Variants in PTPRM observed in about 807,000 individuals in gnomAD.
PTPRM encodes receptor-type tyrosine-protein phosphatase mu.
A neutral mutation model predicts 186.7 loss-of-function variants in PTPRM; 47 were observed. The ratio of observed to expected loss-of-function variants is 0.25; its 90% CI spans 0.20 to 0.32. The LOEUF is 0.32. PTPRM is among the 10% of genes least tolerant of loss of function. The pLI, the probability that PTPRM is intolerant of heterozygous loss-of-function variation, is 1.00. For missense variants in PTPRM, 1,494 were observed against 1,865.0 expected (o/e 0.80, Z 3.66); for synonymous variants, 668 against 674.9 (o/e 0.99, Z 0.16).
chr18:8,181,082 C>G (rs2093566453), intron 14 of PTPRM, among the ~76,000 whole-genome samples: 1 of 152,284 alleles, frequency 6.6e-6, no homozygotes, highest in South Asian at 2.1e-4. Context: ...GAGGCATACT[C>G]AAGCCAAATT....
At chr18:8,039,459 C>CA (rs2086554805) in intron 7 of PTPRM, among the ~76,000 whole-genome samples, 2 of 151,794 alleles carry the variant, frequency 1.3e-5, no homozygotes, top group Non-Finnish European at 1.5e-5. Flanking sequence ...AATAAGTATT[C>CA]AAAAAATGGT....
At chr18:7,954,889 G>T (rs2053212253) in intron 6 of PTPRM, among the ~76,000 whole-genome samples, 2 of 152,132 alleles carry the variant, frequency 1.3e-5, no homozygotes, top group African/African-American at 4.8e-5. Context: ...ACAAATTAGG[G>T]TTATGCCTAC....
intron 7 of PTPRM, among the ~76,000 whole-genome samples, chr18:8,065,509 A>G (rs1273411671): frequency 6.6e-6 from 1 of 152,050 alleles, no homozygotes; most frequent in Non-Finnish European, 1.5e-5. Context: ...GGCCATTCTC[A>G]TCTCTTATCA....
At chr18:8,330,782 G>A (rs946236879) in intron 22 of PTPRM, among the ~76,000 whole-genome samples, 2 of 151,724 alleles carry the variant, frequency 1.3e-5, no homozygotes, top group Non-Finnish European at 2.9e-5. Flanking sequence ...CTGTACCTCC[G>A]CCAGCAGGAT....
intron 7 of PTPRM, among the ~76,000 whole-genome samples, chr18:8,008,683 T>C (rs2084336101): frequency 1.3e-5 from 2 of 152,110 alleles, no homozygotes; most frequent in South Asian, 4.2e-4. Context: ...TCTCTAAACT[T>C]TTTGGAGGCT....
At chr18:8,221,731 C>T (rs959478245) in intron 14 of PTPRM, among the ~76,000 whole-genome samples, 1 of 152,144 alleles carries the variant, frequency 6.6e-6, no homozygotes, top group Non-Finnish European at 1.5e-5. Context: ...GTTTTCAGTC[C>T]GCTGATACTA....
intron 2 of PTPRM, among the ~76,000 whole-genome samples, chr18:7,856,528 C>T (rs2047102935): frequency 6.6e-6 from 1 of 151,688 alleles, no homozygotes; most frequent in Non-Finnish European, 1.5e-5. Context: ...TGCTTGAGCC[C>T]AGGAGTTCAA....
intron 23 of PTPRM, among the ~76,000 whole-genome samples, chr18:8,357,640 AC>A (rs2095570683): frequency 6.6e-6 from 1 of 152,144 alleles, no homozygotes; most frequent in South Asian, 2.1e-4. Flanking sequence ...TGTGACTGTT[AC>A]CTCTGGAAGA....
intron 1 of PTPRM, among the ~76,000 whole-genome samples, chr18:7,626,345 A>C (rs759784868): frequency 1.3e-5 from 2 of 152,334 alleles, no homozygotes; most frequent in East Asian, 3.9e-4. Flanking sequence ...TTTGGACTTT[A>C]GCAGACTCCA....
intron 2 of PTPRM, among the ~76,000 whole-genome samples, chr18:7,858,505 G>A (rs1464325410): frequency 1.3e-5 from 2 of 152,176 alleles, no homozygotes; most frequent in Admixed American, 1.3e-4. Flanking sequence ...ACATTACAAT[G>A]AGCTGTGATT....
At chr18:8,254,822 T>C (rs997475205) in intron 19 of PTPRM, among the ~76,000 whole-genome samples, 3 of 152,212 alleles carry the variant, frequency 2.0e-5, no homozygotes, top group African/African-American at 7.2e-5. Flanking sequence ...TACACTTCTT[T>C]TAGGAATAAG....
At chr18:7,777,522 G>C (rs541675388) in intron 2 of PTPRM, among the ~76,000 whole-genome samples, 2 of 152,126 alleles carry the variant, frequency 1.3e-5, no homozygotes, top group Non-Finnish European at 2.9e-5. Context: ...TTTATGCCCT[G>C]GCCCTTTATG....
chr18:8,193,282 T>C (rs900242922), intron 14 of PTPRM, among the ~76,000 whole-genome samples: 20 of 152,298 alleles, frequency 1.3e-4, no homozygotes, highest in Middle Eastern at 6.8e-3. Context: ...CCTTTGCCTT[T>C]ACTGTGGAGG....
intron 1 of PTPRM, among the ~76,000 whole-genome samples, chr18:7,691,104 G>A (rs865888081): frequency 4.6e-5 from 7 of 152,042 alleles, no homozygotes; most frequent in Middle Eastern, 3.4e-3. Context: ...TTCAGTAAAT[G>A]TTTTGATTTT....
At chr18:7,871,394 C>T (rs2047976677) in intron 2 of PTPRM, among the ~76,000 whole-genome samples, 1 of 152,186 alleles carries the variant, frequency 6.6e-6, no homozygotes, top group Non-Finnish European at 1.5e-5. Flanking sequence ...CCATTGTTTT[C>T]TGCGGTGCCA....
intron 7 of PTPRM, among the ~76,000 whole-genome samples, chr18:8,040,608 T>A (rs142963727): frequency 4.0e-4 from 61 of 152,346 alleles, no homozygotes; most frequent in African/African-American, 1.4e-3. Context: ...GTTTGCTACC[T>A]TTTAATCTCA....
At chr18:7,667,495 A>G (rs2144447555) in intron 1 of PTPRM, among the ~76,000 whole-genome samples, 1 of 152,346 alleles carries the variant, frequency 6.6e-6, no homozygotes, top group Non-Finnish European at 1.5e-5. Flanking sequence ...ATTATAGGTT[A>G]TTTGATAACT....
rs541257495 is a variant in PTPRM at position 7,832,555 on chromosome 18, G to A, written c.197-55551G>A. Among the ~76,000 whole-genome samples the A allele has an allele frequency of 1.1e-4, 16 of 152,110 alleles. No homozygotes were observed. In the South Asian group the frequency reaches 2.5e-3, roughly 24 times the overall value. On this transcript the variant is annotated intron_variant, in intron 2 of 32. Transcript: ENST00000580170. The stretch of plus-strand genomic sequence containing the variant: ...AGATGGGTAGTTTGCAAATATTTCC[G>A]ATTCTGCAGGTTGTCTCTTCATATG...
chr18:7,920,250 T>C (rs2050781855), intron 4 of PTPRM, among the ~76,000 whole-genome samples: 1 of 152,196 alleles, frequency 6.6e-6, no homozygotes, highest in Admixed American at 6.5e-5. Context: ...TCTGGTTGTT[T>C]TGTAGCTCTT....
Sources: gnomAD v4.1 joint callset for allele counts (sites outside exome capture counted in the v4.1 genomes callset) on GRCh38, gnomAD v4.1.1 for gene constraint, MANE v1.5 for transcripts, NCBI Gene and HGNC (gene_info 2026-07-23, HGNC 2026-07-21) for gene names.